The following IFIH1 variants were observed in gnomAD, a reference collection of about 807,000 sequenced individuals.
IFIH1 encodes the protein interferon induced with helicase C domain 1, also known as interferon-induced helicase C domain-containing protein 1.
A neutral mutation model predicts 107.4 loss-of-function variants in IFIH1; 125 were observed. The ratio of observed to expected loss-of-function variants is 1.16; its 90% CI spans 1.01 to 1.35. The LOEUF is 1.35. Ranked by LOEUF, IFIH1 falls within the 40% of genes most tolerant of loss-of-function variation. The pLI is 0.00. For synonymous variants in IFIH1, 458 were observed against 413.2 expected, an observed-to-expected ratio of 1.11 and a Z score of -1.31; for missense variants, 1,333 against 1,213.7, an observed-to-expected ratio of 1.10 and a Z score of -1.46.
rs1682743089 is a variant in IFIH1, at chr2:162,278,282, G to A, written c.1688C>T (p.Thr563Ile). The change falls in exon 9 of 16, where the codon ACT becomes ATT. Residue 563 changes from threonine (T) to isoleucine (I), a missense_variant. Physicochemically the swap from Thr to Ile is moderately conservative, Grantham distance 89 (BLOSUM62 -1). Coordinates refer to ENST00000649979, the MANE Select transcript of IFIH1 (RefSeq NM_022168.4). ...KLLEIMTRIQ[T>I]YCQMSPMSDF... is the part of the protein sequence containing the mutation. ...TGACATTGGACTCATTTGACAATAA[G>A]TTTGAATCCTTGTCATTATTTCTAG... 2.0e-6 allele frequency: 3 copies of A among 1,520,250 alleles called. No homozygotes were observed. Among genetic ancestry groups the A allele is most frequent in the Non-Finnish European group, 9.1e-7 (1 of 1,100,838 alleles). The allele number at this position is 1,520,250 out of a possible 1,614,324, so 94.2% of individuals were successfully genotyped here.
At chr2:162,309,533 C>T (rs1179256025) in intron 2 of IFIH1, among the ~76,000 whole-genome samples, 2 of 152,194 alleles carry the variant, frequency 1.3e-5, no homozygotes, top group African/African-American at 4.8e-5. Flanking sequence ...ATCCTTTTCT[C>T]ATTCTGTCCT....
chr2:162,309,601 C>T (rs1576238648), intron 2 of IFIH1, among the ~76,000 whole-genome samples: 1 of 152,314 alleles, frequency 6.6e-6, no homozygotes, highest in South Asian at 2.1e-4. Context: ...TAATATATCT[C>T]TACTCCTACC....
intron 3 of IFIH1, among the ~76,000 whole-genome samples, chr2:162,302,650 A>T (rs1055163016): frequency 6.6e-6 from 1 of 152,252 alleles, no homozygotes; most frequent in South Asian, 2.1e-4. Flanking sequence ...AACTTCAATC[A>T]AAAGAACTCA....
intron 2 of IFIH1, 42 bp downstream of exon 2, chr2:162,310,723 A>G: frequency 6.5e-7 from 1 of 1,532,622 alleles, no homozygotes. Flanking sequence ...CTCAATCACT[A>G]GGCAGAATTT....
At chr2:162,290,563 AT>A (rs1280009462) in intron 4 of IFIH1, among the ~76,000 whole-genome samples, 1 of 151,890 alleles carries the variant, frequency 6.6e-6, no homozygotes, top group East Asian at 1.9e-4. Context: ...TTCAGTCAAT[AT>A]TGACTGGACA....
chr2:162,318,116 G>T lies in IFIH1; in HGVS notation c.192C>A (p.Ser64Arg), dbSNP rs752429833. The change falls in exon 1 of 16, where the codon AGC becomes AGA. Residue 64 changes from serine to arginine, a missense_variant. By Grantham distance (110) the Ser-to-Arg change is moderately radical. Transcript: ENST00000649979. Reference sequence around the variant, plus strand: ...GGTGCCAGACTCCCTTCTCCAAGGTGCTCAGCAGCAGTTCAACTGCCTGCA... The same window carrying T: ...GGTGCCAGACTCCCTTCTCCAAGGTTCTCAGCAGCAGTTCAACTGCCTGCA... ...GNMQAVELLL[S>R]TLEKGVWHLG... 2 of 1,614,068 alleles carry T rather than the reference G, an allele frequency of 1.2e-6. No homozygotes were observed. The highest frequency in any genetic ancestry group is 2.7e-5 in the African/African-American group (2 of 74,926).
intron 2 of IFIH1, 93 bp from the exon 3 acceptor site, chr2:162,306,948 G>A: frequency 8.9e-7 from 1 of 1,119,848 alleles, no homozygotes; most frequent in Non-Finnish European, 1.3e-6. Flanking sequence ...AAACAAACTA[G>A]AGGTTCCTAA....
intron 1 of IFIH1, among the ~76,000 whole-genome samples, chr2:162,314,416 T>TTTCTTTCTTTCCTTTCTTTCTTTCTTTC (rs71009355): frequency 1.9e-5 from 1 of 51,444 alleles, no homozygotes. Context: ...TCTTTCTTTC[T>TTTCTTTCTTTCCTTTCTTTCTTTCTTTC]TTTCTTTCTT....
At chr2:162,292,004 A>C (rs1450211373) in intron 4 of IFIH1, among the ~76,000 whole-genome samples, 2 of 151,882 alleles carry the variant, frequency 1.3e-5, no homozygotes, top group Non-Finnish European at 2.9e-5. Context: ...GTTCAGACTT[A>C]TCATGTGTTT....
intron 5 of IFIH1, among the ~76,000 whole-genome samples, chr2:162,286,982 T>G (rs924082077): frequency 1.3e-5 from 2 of 151,962 alleles, no homozygotes; most frequent in African/African-American, 2.4e-5. Flanking sequence ...TAGGTAGAAA[T>G]AGGATTCAAA....
chr2:162,309,168 A>G (rs1345197162), intron 2 of IFIH1, among the ~76,000 whole-genome samples: 3 of 152,234 alleles, frequency 2.0e-5, no homozygotes, highest in Non-Finnish European at 4.4e-5. Flanking sequence ...GCTTGAGAAT[A>G]GCTCTGTTTG....
At chr2:162,283,189 C>G (rs1682839893) in intron 5 of IFIH1, among the ~76,000 whole-genome samples, 1 of 151,826 alleles carries the variant, frequency 6.6e-6, no homozygotes, top group Non-Finnish European at 1.5e-5. Flanking sequence ...AGACCAGAAG[C>G]AACAGGCCCA....
At chr2:162,288,528 A>T (rs1389350370) in intron 4 of IFIH1, among the ~76,000 whole-genome samples, 173 bp from the exon 5 acceptor site, 1 of 151,990 alleles carries the variant, frequency 6.6e-6, no homozygotes, top group African/African-American at 2.4e-5. Flanking sequence ...CATCTGCAGA[A>T]TACAACACAG....
chr2:162,277,141 G>T (rs1378760725), intron 10 of IFIH1, among the ~76,000 whole-genome samples, 195 bp from the exon 11 acceptor site: 1 of 152,080 alleles, frequency 6.6e-6, no homozygotes. Context: ...ATGAATTGTG[G>T]CTCATCTACA....
At chr2:162,308,498 C>G (rs961119975) in intron 2 of IFIH1, among the ~76,000 whole-genome samples, 8 of 151,850 alleles carry the variant, frequency 5.3e-5, no homozygotes, top group African/African-American at 1.9e-4. Context: ...TCTGCCTCAG[C>G]CTTCCAAGTA....
rs768250287 is a variant in IFIH1, at chr2:162,279,986, A to T, written c.1641+10T>A. 2 of 1,397,596 alleles carry T rather than the reference A, an allele frequency of 1.4e-6. No individual in the cohort carries two copies. Among genetic ancestry groups the T allele is most frequent in the Admixed American group, 3.4e-5 (2 of 59,524 alleles). The allele number at this position is 1,397,596 out of a possible 1,614,324, so 86.6% of individuals were successfully genotyped here. A position where few individuals can be genotyped will look rare whatever the true frequency, so the allele number is the denominator to read the frequency against. On this transcript the variant is annotated intron_variant, in intron 8 of 15. Transcript: ENST00000649979. ...TGTCAATCAATAGATATAAAACATTAAGCCCATACTTCTCTGGTTGCATCT... is the reference window on the plus strand; with the variant it reads ...TGTCAATCAATAGATATAAAACATTTAGCCCATACTTCTCTGGTTGCATCT...
chr2:162,304,431 C>T (rs1270766679), intron 3 of IFIH1, among the ~76,000 whole-genome samples: 1 of 152,122 alleles, frequency 6.6e-6, no homozygotes, highest in Admixed American at 6.6e-5. Context: ...CACTGTACTC[C>T]AGCCTGGGCG....
chr2:162,276,202 T>G (rs948492774), intron 11 of IFIH1, among the ~76,000 whole-genome samples: 2 of 152,234 alleles, frequency 1.3e-5, no homozygotes, highest in African/African-American at 4.8e-5. Flanking sequence ...TAGCCTTAGA[T>G]TTTATTTCAA....
chr2:162,288,389 G>C, intron 4 of IFIH1, 34 bp from the exon 5 acceptor site: 1 of 1,523,276 alleles, frequency 6.6e-7, no homozygotes, highest in Non-Finnish European at 9.1e-7. Context: ...TAAGAGAAGG[G>C]ACAACAAAAT....
Sources: gnomAD v4.1 joint callset for allele counts (sites outside exome capture counted in the v4.1 genomes callset) on GRCh38, gnomAD v4.1.1 for gene constraint, MANE v1.5 for transcripts, NCBI Gene and HGNC (gene_info 2026-07-23, HGNC 2026-07-21) for gene names.